UNC5D: variants seen among roughly 807,000 people sequenced by gnomAD.
UNC5D encodes the protein netrin receptor UNC5D.
A neutral mutation model predicts 105.4 loss-of-function variants in UNC5D; 39 were observed. The ratio of observed to expected loss-of-function variants is 0.37; its 90% CI spans 0.29 to 0.48. The LOEUF (loss-of-function observed/expected upper bound fraction) is 0.48. UNC5D is among the 20% of genes least tolerant of loss of function. The probability of loss-of-function intolerance (pLI) is 0.98; values close to 1 mark genes in which losing one functional copy is unlikely to be tolerated. For synonymous variants in UNC5D, 452 were observed against 450.4 expected, an observed-to-expected ratio of 1.00 and a Z score of -0.04; for missense variants, 991 against 1,202.4, an observed-to-expected ratio of 0.82 and a Z score of 2.60.
chr8:35,788,869 C>A (rs993463523), intron 16 of UNC5D, among the ~76,000 whole-genome samples: 2 of 151,800 alleles, frequency 1.3e-5, no homozygotes, highest in Admixed American at 6.6e-5. Context: ...ACCATTGAGA[C>A]ACACACAAAA....
intron 12 of UNC5D, 117 bp downstream of exon 12, chr8:35,748,812 G>A: frequency 8.2e-7 from 1 of 1,226,924 alleles, no homozygotes; most frequent in East Asian, 2.5e-5. Flanking sequence ...AAGGGTTGGT[G>A]GCAAGTGTTT....
At chr8:35,264,780 T>C (rs1026958631) in intron 1 of UNC5D, among the ~76,000 whole-genome samples, 5 of 151,170 alleles carry the variant, frequency 3.3e-5, no homozygotes, top group Admixed American at 2.0e-4. Flanking sequence ...GCTTTTTTTA[T>C]ATATAAAGTA....
At chr8:35,641,366 C>CAAAAAAAAAAAAAAAAAAAAAAAAAAAAG (rs377021599) in intron 4 of UNC5D, among the ~76,000 whole-genome samples, 1 of 44,292 alleles carries the variant, frequency 2.3e-5, no homozygotes, top group African/African-American at 8.5e-5. Context: ...AAAAATAAAG[C>CAAAAAAAAAAAAAAAAAAAAAAAAAAAAG]AAAAAAAAAA....
intron 4 of UNC5D, among the ~76,000 whole-genome samples, chr8:35,637,915 T>G (rs1822482237): frequency 6.6e-6 from 1 of 152,146 alleles, no homozygotes; most frequent in Non-Finnish European, 1.5e-5. Context: ...CCGGCCAACA[T>G]ACAACATGAT....
rs978405351 is a variant in UNC5D at position 35,791,681 on chromosome 8, T to C, written c.*1118T>C. 6.6e-6 allele frequency: 1 copy of C among 152,182 alleles called. No individual in the cohort carries two copies. The highest frequency in any genetic ancestry group is 6.5e-5 in the Admixed American group (1 of 15,268). 9.4% of individuals were successfully genotyped at this position (152,182 alleles called of 1,614,324 possible). The stretch of plus-strand genomic sequence containing the variant: ...AGCAGATAGTCTTTGCTCTAAATGA[T>C]ATCTGAGTAAATAGACTTGAGGAAT... On this transcript the variant is annotated 3_prime_UTR_variant, in exon 17 of 17. Coordinates refer to ENST00000404895, the MANE Select transcript of UNC5D (RefSeq NM_080872.4).
intron 4 of UNC5D, among the ~76,000 whole-genome samples, chr8:35,632,902 T>C (rs1378135705): frequency 6.6e-6 from 1 of 152,214 alleles, no homozygotes; most frequent in Admixed American, 6.5e-5. Flanking sequence ...GGTCCAAAAC[T>C]ACTCTTCACC....
chr8:35,710,317 G>A (rs2131476994), intron 8 of UNC5D, among the ~76,000 whole-genome samples: 1 of 152,278 alleles, frequency 6.6e-6, no homozygotes. Context: ...ACAAGAGAAA[G>A]AAAAATGTTA....
At chr8:35,533,729 G>A (rs1814598972) in intron 1 of UNC5D, among the ~76,000 whole-genome samples, 1 of 152,250 alleles carries the variant, frequency 6.6e-6, no homozygotes, top group Admixed American at 6.5e-5. Context: ...TCCGAGCCAG[G>A]TGTGGGATAT....
intron 1 of UNC5D, among the ~76,000 whole-genome samples, chr8:35,401,423 G>A (rs996309721): frequency 6.6e-6 from 1 of 152,168 alleles, no homozygotes; most frequent in African/African-American, 2.4e-5. Context: ...GGCAGAGGTT[G>A]CAGTGAGCCG....
intron 6 of UNC5D, among the ~76,000 whole-genome samples, chr8:35,685,874 C>A (rs952679810): frequency 6.6e-6 from 1 of 152,108 alleles, no homozygotes; most frequent in Non-Finnish European, 1.5e-5. Context: ...TCTTAAATAA[C>A]CCACATAAGC....
chr8:35,243,783 C>T (rs1263161134), intron 1 of UNC5D, among the ~76,000 whole-genome samples: 1 of 152,158 alleles, frequency 6.6e-6, no homozygotes, highest in South Asian at 2.1e-4. Flanking sequence ...CAAGTTCCAT[C>T]TCATTCACTT....
intron 4 of UNC5D, among the ~76,000 whole-genome samples, chr8:35,641,288 A>C (rs1822694803): frequency 6.6e-6 from 1 of 151,164 alleles, no homozygotes; most frequent in Admixed American, 6.6e-5. Context: ...CTAATCATTC[A>C]ATCTCGTTTC....
chr8:35,528,021 G>A (rs139676608), intron 1 of UNC5D, among the ~76,000 whole-genome samples: 334 of 146,138 alleles, frequency 2.3e-3, no homozygotes, highest in Admixed American at 4.5e-3. Flanking sequence ...AGTTTATCAT[G>A]AATTCTAGAA....
chr8:35,404,721 G>A (rs1804692543), intron 1 of UNC5D, among the ~76,000 whole-genome samples: 1 of 152,044 alleles, frequency 6.6e-6, no homozygotes, highest in Non-Finnish European at 1.5e-5. Context: ...CCGAGTAGCT[G>A]TGATTACAGG....
chr8:35,634,488 G>T (rs1043494951), intron 4 of UNC5D, among the ~76,000 whole-genome samples: 3 of 152,284 alleles, frequency 2.0e-5, no homozygotes. Context: ...GATAGCTCCT[G>T]TTAGAGCTTT....
intron 4 of UNC5D, among the ~76,000 whole-genome samples, chr8:35,612,599 G>A (rs1454262593): frequency 4.0e-5 from 6 of 151,884 alleles, no homozygotes; most frequent in Admixed American, 2.0e-4. Context: ...AACATAATGG[G>A]GTTTTACATC....
At chr8:35,624,744 T>G (rs1423181403) in intron 4 of UNC5D, among the ~76,000 whole-genome samples, 1 of 152,208 alleles carries the variant, frequency 6.6e-6, no homozygotes, top group African/African-American at 2.4e-5. Context: ...AACTACAGTT[T>G]CATTTTTTAA....
chr8:35,321,319 C>T lies in UNC5D; in HGVS notation c.103+85432C>T, dbSNP rs868507438. On this transcript the variant is annotated intron_variant, in intron 1 of 16. Coordinates refer to ENST00000404895, the MANE Select transcript of UNC5D (RefSeq NM_080872.4). The stretch of plus-strand genomic sequence containing the variant: ...CAAAAATCTTACCTTGAATTGTAAT[C>T]CCCATAATACCCATGTATCAAGGGA... Among the ~76,000 whole-genome samples, 19 of 152,204 alleles carry T rather than the reference C, an allele frequency of 1.2e-4. No individual in the cohort carries two copies. In the Middle Eastern group the frequency reaches 0.01, roughly 82 times the overall value.
chr8:35,335,917 C>T (rs1041631565), intron 1 of UNC5D, among the ~76,000 whole-genome samples: 1 of 151,842 alleles, frequency 6.6e-6, no homozygotes, highest in African/African-American at 2.4e-5. Flanking sequence ...GTGCCCACCA[C>T]CACGCCCGGA....
Sources: gnomAD v4.1 joint callset for allele counts (sites outside exome capture counted in the v4.1 genomes callset) on GRCh38, gnomAD v4.1.1 for gene constraint, MANE v1.5 for transcripts, NCBI Gene and HGNC (gene_info 2026-07-23, HGNC 2026-07-21) for gene names.